Variants in STK3 observed in about 807,000 individuals in gnomAD.
STK3 encodes the protein serine/threonine-protein kinase 3.
Under a neutral mutation model 58.0 loss-of-function variants are expected in STK3, and 41 were observed. That is an observed-to-expected ratio of 0.71 (90% CI 0.55 to 0.92). STK3 has a LOEUF of 0.92. Ranked by LOEUF, STK3 falls within the 40% of genes least tolerant of loss-of-function variation. The pLI is 0.00. For synonymous variants in STK3, 170 were observed against 191.0 expected (o/e 0.89, Z 0.91); for missense variants, 479 against 602.7 (o/e 0.79, Z 2.15).
chr8:98,394,029 AGT>A (rs1371309706), intron 3 of STK3, among the ~76,000 whole-genome samples: 1 of 152,240 alleles, frequency 6.6e-6, no homozygotes, highest in Non-Finnish European at 1.5e-5. Context: ...TAGTGGTACC[AGT>A]CAGTCAATGG....
chr8:98,923,700 C>T (rs967109217), intron 1 of STK3, among the ~76,000 whole-genome samples: 1 of 152,062 alleles, frequency 6.6e-6, no homozygotes, highest in Non-Finnish European at 1.5e-5. Flanking sequence ...ATGGAATACC[C>T]TTTAGCTATT....
At chr8:98,370,342 AGTGTGTGTGTGTGTGTGTGT>A (rs35062643), downstream of STK3, among the ~76,000 whole-genome samples, 1 of 138,522 alleles carries the variant, frequency 7.2e-6, no homozygotes, top group African/African-American at 2.7e-5. Context: ...TGACCTCTGC[AGTGTGTGTGTGTGTGTGTGT>A]GTGTGTGTGT....
chr8:98,813,414 TTTAA>T (rs145039139), intron 1 of STK3, among the ~76,000 whole-genome samples: 7,036 of 152,260 alleles, frequency 0.046, 168 homozygotes, highest in African/African-American at 0.06. Context: ...TTTATGGGGG[TTTAA>T]TTAATTATTG....
At chr8:98,544,518 T>G (rs1810535879) in intron 9 of STK3, among the ~76,000 whole-genome samples, 1 of 152,140 alleles carries the variant, frequency 6.6e-6, no homozygotes, top group Non-Finnish European at 1.5e-5. Flanking sequence ...GAACACATTT[T>G]CAGAGGGTCT....
At chr8:98,652,754 A>G (rs544840226) in intron 6 of STK3, among the ~76,000 whole-genome samples, 244 of 150,156 alleles carry the variant, frequency 1.6e-3, no homozygotes, top group African/African-American at 5.7e-3. Context: ...CATAATGGTA[A>G]AGGGATCAAT....
chr8:98,640,152 C>T (rs1165089296), intron 6 of STK3, among the ~76,000 whole-genome samples: 1 of 152,136 alleles, frequency 6.6e-6, no homozygotes, highest in African/African-American at 2.4e-5. Flanking sequence ...CTCCTGGACT[C>T]AAGTGATTCT....
chr8:98,537,207 T>C (rs1194230426), intron 9 of STK3, among the ~76,000 whole-genome samples: 1 of 152,256 alleles, frequency 6.6e-6, no homozygotes, highest in Non-Finnish European at 1.5e-5. Flanking sequence ...TATGTGCTTA[T>C]ACTTCTAAAT....
chr8:98,402,311 G>C (rs1817950748), intron 3 of STK3, among the ~76,000 whole-genome samples: 1 of 152,110 alleles, frequency 6.6e-6, no homozygotes, highest in Non-Finnish European at 1.5e-5. Context: ...CCCAAGATCT[G>C]CATACCACTG....
At chr8:98,525,937 C>A (rs140137714) in intron 10 of STK3, among the ~76,000 whole-genome samples, 1 of 151,430 alleles carries the variant, frequency 6.6e-6, no homozygotes, top group African/African-American at 2.4e-5. Context: ...CTTATCCATA[C>A]GTTTATTAAT....
chr8:98,736,193 A>C lies in STK3; in HGVS notation c.351+13083T>G, dbSNP rs1003002059. On this transcript the variant is annotated intron_variant, in intron 4 of 10. Transcript: ENST00000419617. ...CAATAAACACCCAATTAATTAATCA[A>C]TGAATTACTAAATAGACAACAAACT... is the stretch of plus-strand genomic sequence containing the variant. Among the ~76,000 whole-genome samples, 4 of 152,308 alleles carry C rather than the reference A, an allele frequency of 2.6e-5. No homozygotes were observed. In the South Asian group the frequency reaches 6.2e-4, roughly 24 times the overall value.
intron 1 of STK3, among the ~76,000 whole-genome samples, chr8:98,925,651 ATTG>A (rs967588733): frequency 1.3e-5 from 2 of 152,048 alleles, no homozygotes. Context: ...TGAAAGTTGT[ATTG>A]TTGTTGGCCC....
At position 98,866,735 on chromosome 8, in the gene STK3, T is replaced by C. The variant is rs530795757; in HGVS notation, c.110+16912A>G. 1.1e-4 allele frequency among the ~76,000 whole-genome samples: 17 copies of C among 152,224 alleles called. 1 individual carries two copies. The highest frequency in any genetic ancestry group is 1.0e-3 in the Admixed American group (16 of 15,284). On this transcript the variant is annotated intron_variant, in intron 3 of 12. Coordinates refer to the STK3 transcript ENST00000523601. ...CCTGAGAGGACTGAAGTAAACAGGA[T>C]TGGGCAGAGGAAAAAGTGGAAGAAT...
intron 6 of STK3, among the ~76,000 whole-genome samples, chr8:98,695,954 C>G (rs1459738377): frequency 6.6e-6 from 1 of 152,006 alleles, no homozygotes. Flanking sequence ...TTACCTTGGG[C>G]AGTATGGCCA....
chr8:98,914,094 T>C (rs1225792631), intron 1 of STK3, among the ~76,000 whole-genome samples: 2 of 151,006 alleles, frequency 1.3e-5, no homozygotes, highest in Non-Finnish European at 2.9e-5. Flanking sequence ...CACTATGCAA[T>C]ATGTCCATGT....
chr8:98,929,969 A>G (rs1230663371), intron 1 of STK3, among the ~76,000 whole-genome samples: 5 of 152,206 alleles, frequency 3.3e-5, no homozygotes, highest in Admixed American at 3.3e-4. Context: ...TTGTGCTAGC[A>G]TGCACTTTGA....
intron 10 of STK3, among the ~76,000 whole-genome samples, chr8:98,480,181 A>G (rs1163629931): frequency 6.6e-6 from 1 of 152,174 alleles, no homozygotes; most frequent in Non-Finnish European, 1.5e-5. Context: ...GCAAGAGATA[A>G]ATTTATAAAT....
Position 98,428,252 on chromosome 8 carries a change from C to T in STK3, n.483+5875G>A, listed in dbSNP as rs1818271736. 6.2e-7 allele frequency: 1 copy of T among 1,614,128 alleles called. No homozygotes were observed. Among genetic ancestry groups the T allele is most frequent in the South Asian group, 1.1e-5 (1 of 91,084 alleles). On this transcript the variant is annotated intron_variant and non_coding_transcript_variant, in intron 3 of 3. Coordinates refer to the STK3 transcript ENST00000517832. This position sits in a 1 kb window ranked among gnomAD's most constrained non-coding sequence, Gnocchi z 6.7. The stretch of plus-strand genomic sequence containing the variant: ...ATTTCTATCACACCGGCAAGCTTCA[C>T]GTCATGGCTGAGCTATGTGTCTTCT...
intron 6 of STK3, among the ~76,000 whole-genome samples, chr8:98,605,214 A>G (rs1356795711): frequency 1.3e-5 from 2 of 152,288 alleles, no homozygotes; most frequent in East Asian, 1.9e-4. Context: ...ATTTTCAGGT[A>G]TCTTTATAGC....
chr8:98,750,677 A>C (rs1829918437), intron 3 of STK3, among the ~76,000 whole-genome samples: 1 of 152,096 alleles, frequency 6.6e-6, no homozygotes, highest in Admixed American at 6.6e-5. Flanking sequence ...AGATGTACAA[A>C]GAAGAGCTGG....
Sources: gnomAD v4.1 joint callset for allele counts (sites outside exome capture counted in the v4.1 genomes callset) on GRCh38, gnomAD v4.1.1 for gene constraint, Gnocchi (gnomAD v3.1) non-coding constraint, MANE v1.5 for transcripts, NCBI Gene and HGNC (gene_info 2026-07-23, HGNC 2026-07-21) for gene names.